Variants in MRAS observed in about 807,000 individuals in gnomAD.
MRAS encodes muscle RAS oncogene homolog.
A neutral mutation model predicts 20.9 loss-of-function variants in MRAS; 4 were observed. The observed-to-expected ratio is 0.19, with a 90% CI of 0.09 to 0.44. The LOEUF is 0.44. Among genes scored for constraint, MRAS ranks in the 20% least tolerant of loss-of-function variants. The probability of loss-of-function intolerance (pLI) is 0.99; values close to 1 mark genes in which losing one functional copy is unlikely to be tolerated. For synonymous variants in MRAS, 98 were observed against 102.9 expected, an observed-to-expected ratio of 0.95 and a Z score of 0.29; for missense variants, 154 against 277.5, an observed-to-expected ratio of 0.56 and a Z score of 3.16.
chr3:138,354,732 C>G (rs1303451019), intron 1 of MRAS, among the ~76,000 whole-genome samples: 1 of 152,184 alleles, frequency 6.6e-6, no homozygotes, highest in Admixed American at 6.5e-5. Flanking sequence ...GTTTGGAAGA[C>G]AGAGAAAACA....
chr3:138,385,049 G>T (rs1376497362), intron 2 of MRAS, among the ~76,000 whole-genome samples: 1 of 152,012 alleles, frequency 6.6e-6, no homozygotes, highest in Non-Finnish European at 1.5e-5. Flanking sequence ...GTGGAGAGGA[G>T]GAGCAGGCAG....
intron 4 of MRAS, 64 bp from the exon 5 acceptor site, chr3:138,400,470 A>T: frequency 6.8e-7 from 1 of 1,467,142 alleles, no homozygotes; most frequent in Non-Finnish European, 9.5e-7. Context: ...GGGCATTTTT[A>T]AGGGTGTAAC....
At chr3:138,390,936 G>A (rs1264901825) in intron 2 of MRAS, among the ~76,000 whole-genome samples, 1 of 152,230 alleles carries the variant, frequency 6.6e-6, no homozygotes, top group Non-Finnish European at 1.5e-5. Context: ...TTATCAAACT[G>A]TGTATGGTTT....
chr3:138,379,821 T>A (rs2054863035), intron 2 of MRAS, among the ~76,000 whole-genome samples: 1 of 151,936 alleles, frequency 6.6e-6, no homozygotes, highest in African/African-American at 2.4e-5. Context: ...TATACTGATT[T>A]CCTTTCCTTT....
At chr3:138,364,129 C>T (rs1282084033) in intron 1 of MRAS, among the ~76,000 whole-genome samples, 3 of 152,106 alleles carry the variant, frequency 2.0e-5, no homozygotes, top group Admixed American at 2.0e-4. Context: ...ATGCCTGCTG[C>T]CCTCCAAGGC....
chr3:138,358,605 C>T (rs2054382941), intron 1 of MRAS, among the ~76,000 whole-genome samples: 1 of 152,208 alleles, frequency 6.6e-6, no homozygotes, highest in Non-Finnish European at 1.5e-5. Flanking sequence ...CTTCTCTGTG[C>T]CAGATATGTG....
At chr3:138,394,299 A>G (rs990133431) in intron 2 of MRAS, among the ~76,000 whole-genome samples, 2 of 152,082 alleles carry the variant, frequency 1.3e-5, no homozygotes, top group African/African-American at 4.8e-5. Flanking sequence ...CATTTCCTAC[A>G]TGAGACTGAG....
chr3:138,372,135 A>G (rs371468722), intron 1 of MRAS, among the ~76,000 whole-genome samples: 1 of 151,692 alleles, frequency 6.6e-6, no homozygotes, highest in East Asian at 1.9e-4. Flanking sequence ...AGTGGTACCC[A>G]CTCCATTTTG....
At chr3:138,358,073 G>A (rs1469837847) in intron 1 of MRAS, among the ~76,000 whole-genome samples, 1 of 152,170 alleles carries the variant, frequency 6.6e-6, no homozygotes, top group Non-Finnish European at 1.5e-5. Context: ...GGTGGCTCAC[G>A]CCTGTAATCC....
At chr3:138,363,575 T>C (rs1433217672) in intron 1 of MRAS, among the ~76,000 whole-genome samples, 1 of 151,864 alleles carries the variant, frequency 6.6e-6, no homozygotes, top group Non-Finnish European at 1.5e-5. Context: ...GGGCTCAGGC[T>C]CATTTATTTT....
chr3:138,364,003 A>G (rs984678412), intron 1 of MRAS, among the ~76,000 whole-genome samples: 3 of 152,140 alleles, frequency 2.0e-5, no homozygotes, highest in Non-Finnish European at 2.9e-5. Flanking sequence ...AATGCAAAAG[A>G]AGGCATCTGA....
At chr3:138,375,161 A>G (rs557920882) in intron 2 of MRAS, among the ~76,000 whole-genome samples, 1 of 152,310 alleles carries the variant, frequency 6.6e-6, no homozygotes, top group East Asian at 1.9e-4. Context: ...TGCTGGGATT[A>G]CAGGTGTGAG....
intron 1 of MRAS, chr3:138,349,358 C>G (rs926228199): frequency 2.0e-4 from 30 of 152,548 alleles, no homozygotes; most frequent in African/African-American, 6.8e-4. Flanking sequence ...AAGACAAGAG[C>G]ACAAAGTGAC....
At chr3:138,359,324 A>G (rs900315701) in intron 1 of MRAS, among the ~76,000 whole-genome samples, 3 of 152,120 alleles carry the variant, frequency 2.0e-5, no homozygotes, top group African/African-American at 7.2e-5. Context: ...CTTCCTCCGC[A>G]TCTGCTTCAC....
At chr3:138,373,664 A>G (rs561845864) in intron 2 of MRAS, among the ~76,000 whole-genome samples, 1 of 152,332 alleles carries the variant, frequency 6.6e-6, no homozygotes, top group East Asian at 1.9e-4. Context: ...GATGCTTGAA[A>G]TCAGGGAGTA....
At chr3:138,375,381 T>TA (rs2054762795) in intron 2 of MRAS, among the ~76,000 whole-genome samples, 1 of 152,258 alleles carries the variant, frequency 6.6e-6, no homozygotes, top group South Asian at 2.1e-4. Context: ...CAGAGTAATG[T>TA]TGGCCTCATA....
intron 1 of MRAS, among the ~76,000 whole-genome samples, chr3:138,368,194 A>C (rs952511154): frequency 6.6e-6 from 1 of 152,168 alleles, no homozygotes; most frequent in African/African-American, 2.4e-5. Context: ...ACACAGGCCT[A>C]TTTTGTCTGG....
intron 1 of MRAS, among the ~76,000 whole-genome samples, chr3:138,372,382 G>A (rs771572658): frequency 2.0e-5 from 3 of 152,180 alleles, no homozygotes; most frequent in African/African-American, 4.8e-5. Flanking sequence ...GGGCCTCAGA[G>A]TCCCAGAGCT....
At chr3:138,381,699 C>T (rs752023764) in intron 2 of MRAS, among the ~76,000 whole-genome samples, 155 of 152,224 alleles carry the variant, frequency 1.0e-3, no homozygotes, top group Admixed American at 4.8e-3. Context: ...CCAGCAAGTG[C>T]CCAGTGTTTT....
Sources: gnomAD v4.1 joint callset for allele counts (sites outside exome capture counted in the v4.1 genomes callset) on GRCh38, gnomAD v4.1.1 for gene constraint, MANE v1.5 for transcripts, NCBI Gene and HGNC (gene_info 2026-07-23, HGNC 2026-07-21) for gene names.